Variants in SCN2A observed in about 807,000 individuals in gnomAD.
SCN2A encodes sodium voltage-gated channel alpha subunit 2.
In SCN2A, 20 loss-of-function variants were observed where a neutral mutation model predicts 188.7. The observed-to-expected ratio is 0.11, with a 90% CI of 0.07 to 0.15. SCN2A has a LOEUF of 0.15. SCN2A is among the 10% of genes least tolerant of loss of function. SCN2A has a pLI of 1.00. For missense variants in SCN2A, 1,278 were observed against 2,445.0 expected, an observed-to-expected ratio of 0.52 and a Z score of 10.07; for synonymous variants, 804 against 833.1, an observed-to-expected ratio of 0.97 and a Z score of 0.60.
chr2:165,340,415 C>A (rs1699248148), intron 14 of SCN2A, among the ~76,000 whole-genome samples: 1 of 152,012 alleles, frequency 6.6e-6, no homozygotes, highest in Admixed American at 6.6e-5. Context: ...GAGGTAACCA[C>A]CTAGGTAGAG....
At position 165,367,236 on chromosome 2, in the gene SCN2A, GTGT is replaced by G. The variant is rs1296937590; in HGVS notation, c.3544_3546del (p.Cys1182del). The G allele has an allele frequency of 6.2e-7, 1 of 1,613,988 alleles. No individual in the cohort carries two copies. Among genetic ancestry groups the G allele is most frequent in the East Asian group, 2.2e-5 (1 of 44,888 alleles). On this transcript the variant is annotated inframe_deletion, in exon 19 of 27. Coordinates refer to ENST00000375437, the MANE Select transcript of SCN2A (RefSeq NM_001040142.2). ...TTTTAGACTGTGTACGGAAGTTCAA[GTGT>G]TGTCAGATAAGCATAGAAGAAGGCA...
intron 1 of SCN2A, among the ~76,000 whole-genome samples, chr2:165,262,445 C>T (rs1169816046): frequency 6.6e-6 from 1 of 152,102 alleles, no homozygotes; most frequent in Non-Finnish European, 1.5e-5. Context: ...GCTTAGCTCC[C>T]ATTTGTGAGT....
chr2:165,240,945 A>T (rs1693593663), intron 1 of SCN2A: 1 of 152,188 alleles, frequency 6.6e-6, no homozygotes, highest in Admixed American at 6.5e-5. Flanking sequence ...ATTTATCCCC[A>T]TTATCATTTA....
intron 17 of SCN2A, among the ~76,000 whole-genome samples, chr2:165,355,653 G>A (rs1293199860): frequency 1.3e-5 from 2 of 152,052 alleles, no homozygotes; most frequent in African/African-American, 4.8e-5. Flanking sequence ...AAAGAATGAC[G>A]ACATGGGGGA....
chr2:165,325,364 CACTGT>C (rs1256741182), intron 12 of SCN2A, among the ~76,000 whole-genome samples: 1 of 152,124 alleles, frequency 6.6e-6, no homozygotes, highest in African/African-American at 2.4e-5. Flanking sequence ...TGAGGCAGGG[CACTGT>C]ACTATTGCAA....
chr2:165,390,922 T>G lies in SCN2A; in HGVS notation c.*1098T>G, dbSNP rs1265723233. 6.6e-6 allele frequency: 1 copy of G among 152,620 alleles called. No homozygotes were observed. Among genetic ancestry groups the G allele is most frequent in the East Asian group, 1.9e-4 (1 of 5,206 alleles). The allele number at this position is 152,620 out of a possible 1,614,324, so 9.5% of individuals were successfully genotyped here. ...ATTTAAAAAATAAAAGTCTGCTTTG[T>G]AAATAGTAATTTTACCCAGTGGTGC... On this transcript the variant is annotated 3_prime_UTR_variant, in exon 27 of 27. Transcript: ENST00000375437.
chr2:165,355,540 CACTA>C (rs776397252), intron 17 of SCN2A, among the ~76,000 whole-genome samples: 3 of 152,140 alleles, frequency 2.0e-5, no homozygotes, highest in East Asian at 1.9e-4. Flanking sequence ...TTAAAGTTTG[CACTA>C]ACTAACAAAA....
chr2:165,360,037 A>G (rs561448282), intron 17 of SCN2A, among the ~76,000 whole-genome samples: 1 of 151,986 alleles, frequency 6.6e-6, no homozygotes, highest in Non-Finnish European at 1.5e-5. Flanking sequence ...ATTGTCAGAT[A>G]TGGGATACTT....
intron 20 of SCN2A, chr2:165,372,494 T>C (rs908381010): frequency 3.9e-5 from 6 of 152,090 alleles, no homozygotes; most frequent in Non-Finnish European, 7.4e-5. Flanking sequence ...TTTCTATATG[T>C]TTTCAAGGAA....
At position 165,323,489 on chromosome 2, in the gene SCN2A, C is replaced by T. The variant is rs766470088; in HGVS notation, c.2005C>T (p.Leu669Phe). 49 of 1,612,408 alleles carry T rather than the reference C, an allele frequency of 3.0e-5. 1 individual carries two copies. In the South Asian group the frequency reaches 5.3e-4, roughly 17 times the overall value. Residue 669 changes from leucine (L) to phenylalanine (F), a missense_variant, in exon 12 of 27, where the codon CTC becomes TTC. Physicochemically the swap from Leu to Phe is conservative, Grantham distance 22. This residue lies in a region of SCN2A where 315 missense variants were observed against 386.6 expected (regional missense o/e 0.81). Coordinates refer to ENST00000375437, the MANE Select transcript of SCN2A (RefSeq NM_001040142.2). ...TTCTACCCTCACATCTGCTGGGCAG[C>T]TCCTACCAGAGGTGAGGCCAATTAA... is the stretch of plus-strand genomic sequence containing the variant. ...GPSTLTSAGQ[L>F]LPEGTTTETE...
chr2:165,296,348 T>C, intron 2 of SCN2A: 1 of 500,426 alleles, frequency 2.0e-6, no homozygotes, highest in Non-Finnish European at 3.6e-6. Flanking sequence ...CAAAAGCCTA[T>C]TCACCTTCTT....
At chr2:165,387,152 A>T in intron 26 of SCN2A, 136 bp downstream of exon 26, 1 of 897,236 alleles carries the variant, frequency 1.1e-6, no homozygotes, top group Non-Finnish European at 1.7e-6. Context: ...CCATTGTTTT[A>T]GTTTTAGTTT....
intron 23 of SCN2A, among the ~76,000 whole-genome samples, chr2:165,378,027 A>G (rs1701401801): frequency 6.6e-6 from 1 of 151,676 alleles, no homozygotes; most frequent in African/African-American, 2.4e-5. Flanking sequence ...GATCTTCCTT[A>G]TAATAGGAAG....
chr2:165,339,228 C>CAA (rs5836027), intron 14 of SCN2A, among the ~76,000 whole-genome samples: 1 of 138,686 alleles, frequency 7.2e-6, no homozygotes, highest in African/African-American at 2.6e-5. Flanking sequence ...AACTCTGTCT[C>CAA]AAAAAAAAAA....
At chr2:165,386,273 G>A (rs1701865130) in intron 25 of SCN2A, among the ~76,000 whole-genome samples, 1 of 152,008 alleles carries the variant, frequency 6.6e-6, no homozygotes, top group African/African-American at 2.4e-5. Context: ...AGACCAGCCT[G>A]ACCAATACGG....
At chr2:165,280,265 A>T (rs1410399829) in intron 1 of SCN2A, among the ~76,000 whole-genome samples, 4 of 152,182 alleles carry the variant, frequency 2.6e-5, no homozygotes, top group Non-Finnish European at 4.4e-5. Flanking sequence ...ATGCAATACG[A>T]TTATTTATCT....
chr2:165,249,405 C>G (rs944820270), intron 1 of SCN2A, among the ~76,000 whole-genome samples: 4 of 152,074 alleles, frequency 2.6e-5, no homozygotes, highest in Non-Finnish European at 5.9e-5. Context: ...AGTATTCTCA[C>G]TGTCTAATCT....
intron 16 of SCN2A, among the ~76,000 whole-genome samples, chr2:165,346,119 T>A (rs1699572671): frequency 6.6e-6 from 1 of 152,170 alleles, no homozygotes; most frequent in African/African-American, 2.4e-5. Flanking sequence ...TAACCCGACC[T>A]TTCTCTCTGG....
intron 1 of SCN2A, among the ~76,000 whole-genome samples, chr2:165,252,030 G>T (rs1025470011): frequency 1.3e-5 from 2 of 151,960 alleles, no homozygotes; most frequent in East Asian, 3.9e-4. Flanking sequence ...CCAGGAGTCT[G>T]ACTCCAGAGC....
Sources: gnomAD v4.1 joint callset for allele counts (sites outside exome capture counted in the v4.1 genomes callset) on GRCh38, gnomAD v4.1.1 for gene constraint, gnomAD v4.1.1 regional missense constraint, MANE v1.5 for transcripts, NCBI Gene and HGNC (gene_info 2026-07-23, HGNC 2026-07-21) for gene names.